Variants in NWD2 observed in about 807,000 individuals in gnomAD.
The protein encoded by NWD2 is NACHT and WD repeat domain-containing protein 2.
In NWD2, 37 loss-of-function variants were observed where a neutral mutation model predicts 132.7. The observed-to-expected ratio is 0.28, with a 90% CI of 0.21 to 0.37. The LOEUF (loss-of-function observed/expected upper bound fraction) is 0.37, where lower values mean the gene tolerates loss of function less well. Ranked by LOEUF, NWD2 falls within the 10% of genes least tolerant of loss-of-function variation. The pLI is 1.00. For missense variants in NWD2, 1,592 were observed against 2,122.4 expected (o/e 0.75, Z 4.91); for synonymous variants, 705 against 803.0 (o/e 0.88, Z 2.06).
intron 3 of NWD2, among the ~76,000 whole-genome samples, chr4:37,386,507 T>G (rs1720566961): frequency 6.6e-6 from 1 of 152,072 alleles, no homozygotes; most frequent in African/African-American, 2.4e-5. Context: ...TATCCTAACT[T>G]AGCACTCAGG....
intron 2 of NWD2, among the ~76,000 whole-genome samples, chr4:37,339,954 GTTT>G (rs3028269): frequency 7.9e-6 from 1 of 126,692 alleles, no homozygotes; most frequent in Non-Finnish European, 1.7e-5. Flanking sequence ...GTTTCTGGTT[GTTT>G]TTTTTTTTTT....
At chr4:37,274,197 GAAGAA>G (rs1322619912) in intron 1 of NWD2, among the ~76,000 whole-genome samples, 6 of 151,920 alleles carry the variant, frequency 3.9e-5, no homozygotes, top group African/African-American at 1.2e-4. Context: ...GACTAATAAA[GAAGAA>G]AAGAGAGAAG....
chr4:37,276,600 T>A (rs1718018187), intron 1 of NWD2, among the ~76,000 whole-genome samples: 1 of 151,804 alleles, frequency 6.6e-6, no homozygotes, highest in Non-Finnish European at 1.5e-5. Context: ...GGATTATAAA[T>A]CATGCTGCTA....
At chr4:37,366,500 A>G (rs536130476) in intron 3 of NWD2, among the ~76,000 whole-genome samples, 1 of 152,272 alleles carries the variant, frequency 6.6e-6, no homozygotes, top group African/African-American at 2.4e-5. Flanking sequence ...AGACTAAAGA[A>G]TAGATGAAAC....
chr4:37,249,069 A>G (rs1560376501), intron 1 of NWD2, among the ~76,000 whole-genome samples: 1 of 152,240 alleles, frequency 6.6e-6, no homozygotes, highest in Non-Finnish European at 1.5e-5. Flanking sequence ...ACATAGGGCT[A>G]TTGAGCATTT....
intron 1 of NWD2, among the ~76,000 whole-genome samples, chr4:37,260,814 G>A (rs1479071220): frequency 2.6e-5 from 4 of 152,138 alleles, no homozygotes; most frequent in South Asian, 4.1e-4. Flanking sequence ...GACAGAGTGT[G>A]AACCCTTGGA....
intron 1 of NWD2, among the ~76,000 whole-genome samples, chr4:37,258,233 A>G (rs1176921667): frequency 6.6e-6 from 1 of 152,276 alleles, no homozygotes; most frequent in Non-Finnish European, 1.5e-5. Flanking sequence ...AATCTCTTGC[A>G]TGATTAAAAG....
intron 3 of NWD2, among the ~76,000 whole-genome samples, chr4:37,384,041 T>G (rs1044766276): frequency 6.6e-6 from 1 of 152,212 alleles, no homozygotes; most frequent in African/African-American, 2.4e-5. Context: ...GGTGGTTTGC[T>G]GCATCTACCA....
intron 3 of NWD2, among the ~76,000 whole-genome samples, chr4:37,419,298 T>A (rs1278496164): frequency 6.6e-6 from 1 of 152,178 alleles, no homozygotes. Flanking sequence ...ATAAAAGTCC[T>A]GGAATAAAAC....
At chr4:37,341,061 C>G (rs191694684) in intron 2 of NWD2, among the ~76,000 whole-genome samples, 2 of 152,174 alleles carry the variant, frequency 1.3e-5, no homozygotes, top group African/African-American at 4.8e-5. Flanking sequence ...GTTTGACTTA[C>G]GATTTCTTGA....
intron 1 of NWD2, among the ~76,000 whole-genome samples, chr4:37,278,931 C>T (rs765709364): frequency 6.6e-6 from 1 of 152,126 alleles, no homozygotes; most frequent in Admixed American, 6.6e-5. Flanking sequence ...CAGTGCAAAA[C>T]TGACTTAGTA....
At chr4:37,308,066 C>A (rs879618129) in intron 1 of NWD2, among the ~76,000 whole-genome samples, 3 of 152,114 alleles carry the variant, frequency 2.0e-5, no homozygotes, top group Admixed American at 2.0e-4. Context: ...TCCCTAAGGT[C>A]ATTATTTTAA....
intron 5 of NWD2, among the ~76,000 whole-genome samples, chr4:37,434,787 CTT>C (rs10707634): frequency 2.9e-4 from 42 of 142,720 alleles, no homozygotes; most frequent in East Asian, 1.6e-3. Context: ...TTTTTTTTTT[CTT>C]TTTTTTTTTT....
intron 2 of NWD2, among the ~76,000 whole-genome samples, chr4:37,348,349 C>G (rs190777624): frequency 6.6e-6 from 1 of 151,968 alleles, no homozygotes; most frequent in East Asian, 1.9e-4. Flanking sequence ...ACCTCCTCCA[C>G]GGACAAGCCA....
rs1461837708 is a variant in NWD2, at chr4:37,447,205, C to G, written c.5217C>G (p.Ala1739=). 1 of 1,544,062 alleles carries G rather than the reference C, an allele frequency of 6.5e-7. No homozygotes were observed. Among genetic ancestry groups the G allele is most frequent in the African/African-American group, 1.4e-5 (1 of 72,624 alleles). The change falls in exon 7 of 7, where the codon GCC becomes GCG. Residue 1739 remains alanine (A), a synonymous_variant. Coordinates refer to ENST00000309447, the MANE Select transcript of NWD2 (RefSeq NM_001144990.2). ...SALEARGHSY[A]PDN ...TAGAAGCCAGGGGCCACAGCTATGCCCCTGATAACTGACAAAATGTTTTCC... is the reference window on the plus strand; with the variant it reads ...TAGAAGCCAGGGGCCACAGCTATGCGCCTGATAACTGACAAAATGTTTTCC...
chr4:37,380,145 A>G (rs1720424224), intron 3 of NWD2, among the ~76,000 whole-genome samples: 1 of 152,244 alleles, frequency 6.6e-6, no homozygotes, highest in African/African-American at 2.4e-5. Flanking sequence ...TGTTATACCA[A>G]TTTACAGATG....
intron 1 of NWD2, among the ~76,000 whole-genome samples, chr4:37,313,255 T>C (rs1718887523): frequency 6.6e-6 from 1 of 151,138 alleles, no homozygotes; most frequent in Admixed American, 6.6e-5. Flanking sequence ...ATCCATCTGG[T>C]CCTGGACTCT....
At chr4:37,295,043 A>G (rs1192225645) in intron 1 of NWD2, among the ~76,000 whole-genome samples, 1 of 152,190 alleles carries the variant, frequency 6.6e-6, no homozygotes, top group Admixed American at 6.5e-5. Flanking sequence ...ATCGTCGATT[A>G]TGTATTCATC....
chr4:37,341,404 G>A (rs1409242729), intron 2 of NWD2, among the ~76,000 whole-genome samples: 1 of 152,182 alleles, frequency 6.6e-6, no homozygotes, highest in Non-Finnish European at 1.5e-5. Context: ...ATCTATATTT[G>A]CATAGAGATG....
Sources: gnomAD v4.1 joint callset for allele counts (sites outside exome capture counted in the v4.1 genomes callset) on GRCh38, gnomAD v4.1.1 for gene constraint, MANE v1.5 for transcripts, NCBI Gene and HGNC (gene_info 2026-07-23, HGNC 2026-07-21) for gene names.